ANK3: variants seen among roughly 807,000 people sequenced by gnomAD.
ANK3 encodes ankyrin 3.
ANK3 carries 57 observed loss-of-function variants against 370.9 expected under a neutral mutation model. That is an observed-to-expected ratio of 0.15 (90% confidence interval 0.12 to 0.19). The LOEUF is 0.19. Among genes scored for constraint, ANK3 ranks in the 10% least tolerant of loss-of-function variants. The pLI is 1.00. For missense variants in ANK3, 4,439 were observed against 5,302.1 expected, an observed-to-expected ratio of 0.84 and a Z score of 5.06; for synonymous variants, 1,929 against 1,946.3, an observed-to-expected ratio of 0.99 and a Z score of 0.23.
intron 16 of ANK3, among the ~76,000 whole-genome samples, chr10:60,191,161 G>A (rs2096471532): frequency 6.6e-6 from 1 of 152,040 alleles, no homozygotes; most frequent in Non-Finnish European, 1.5e-5. Context: ...AAACTCTTTT[G>A]GGCATTGAAC....
At chr10:60,412,095 G>T (rs2063571673) in intron 2 of ANK3, among the ~76,000 whole-genome samples, 1 of 152,164 alleles carries the variant, frequency 6.6e-6, no homozygotes, top group Non-Finnish European at 1.5e-5. Context: ...CTGCTGGTTA[G>T]GAAGCAAGTG....
intron 1 of ANK3, among the ~76,000 whole-genome samples, chr10:60,304,104 A>G (rs34517433): frequency 0.13 from 20,431 of 152,074 alleles, 1,469 homozygotes; most frequent in African/African-American, 0.15. Context: ...GGAGTAGAAG[A>G]GAAAATGAGA....
chr10:60,198,559 T>A, intron 13 of ANK3, 22 bp from the exon 14 acceptor site: 2 of 1,609,200 alleles, frequency 1.2e-6, no homozygotes, highest in Non-Finnish European at 1.7e-6. Context: ...GGTAGAAATG[T>A]AAGGCTGATG....
At chr10:60,391,027 CTT>C (rs1457275358), upstream of ANK3, among the ~76,000 whole-genome samples, 1 of 152,154 alleles carries the variant, frequency 6.6e-6, no homozygotes, top group Non-Finnish European at 1.5e-5. Context: ...CTGCAAACAA[CTT>C]TTACTCACCA....
At chr10:60,300,642 G>A (rs1593300209) in intron 1 of ANK3, 1 of 753,546 alleles carries the variant, frequency 1.3e-6, no homozygotes, top group Non-Finnish European at 1.6e-6. Flanking sequence ...GTGGAATACC[G>A]AGAATAGCAG....
chr10:60,109,105 C>T, intron 26 of ANK3, 51 bp from the exon 27 acceptor site: 1 of 1,427,874 alleles, frequency 7.0e-7, no homozygotes, highest in Non-Finnish European at 9.8e-7. Flanking sequence ...AAACTGTGCT[C>T]ACAGCAAGTT....
Position 60,232,847 on chromosome 10 carries a change from T to C in ANK3, c.897+1841A>G, listed in dbSNP as rs528796818. On this transcript the variant is annotated intron_variant, in intron 8 of 43. Coordinates refer to ENST00000280772, the MANE Select transcript of ANK3 (RefSeq NM_020987.5). Reference sequence around the variant, plus strand: ...ACAGTAGACACTCGACGATCATCTATTGGTTGAGTAAATAAATGCAAGGAA... The same window carrying C: ...ACAGTAGACACTCGACGATCATCTACTGGTTGAGTAAATAAATGCAAGGAA... 8.1e-4 allele frequency among the ~76,000 whole-genome samples: 123 copies of C among 152,268 alleles called. 1 individual carries two copies. Among genetic ancestry groups the C allele is most frequent in the African/African-American group, 2.9e-3 (121 of 41,534 alleles).
At chr10:60,102,474 CACA>C (rs771817000) in intron 28 of ANK3, among the ~76,000 whole-genome samples, 30 of 152,168 alleles carry the variant, frequency 2.0e-4, no homozygotes, top group African/African-American at 6.0e-4. Flanking sequence ...ATTACGGTCA[CACA>C]ACGAGTAAGC....
intron 18 of ANK3, among the ~76,000 whole-genome samples, chr10:60,177,284 G>A (rs1009045045): frequency 6.6e-6 from 1 of 152,166 alleles, no homozygotes; most frequent in African/African-American, 2.4e-5. Flanking sequence ...TACTTTCACA[G>A]TGTCAGCTAA....
At chr10:60,234,418 A>G (rs1364253934) in intron 8 of ANK3, among the ~76,000 whole-genome samples, 1 of 152,222 alleles carries the variant, frequency 6.6e-6, no homozygotes, top group Non-Finnish European at 1.5e-5. Context: ...CTGACCGAAC[A>G]GCTTAGCTTA....
intron 28 of ANK3, among the ~76,000 whole-genome samples, chr10:60,094,168 G>T (rs2089482698): frequency 6.7e-6 from 1 of 148,538 alleles, no homozygotes; most frequent in Non-Finnish European, 1.5e-5. Flanking sequence ...ATGAAATGGA[G>T]AAACAGTATT....
chr10:60,096,418 A>G (rs1274418424), intron 28 of ANK3, among the ~76,000 whole-genome samples: 2 of 152,204 alleles, frequency 1.3e-5, no homozygotes, highest in Non-Finnish European at 2.9e-5. Flanking sequence ...AAGCTCGACA[A>G]AATAATCTGC....
chr10:60,413,625 A>G (rs1319800344), intron 2 of ANK3, among the ~76,000 whole-genome samples: 1 of 152,184 alleles, frequency 6.6e-6, no homozygotes, highest in South Asian at 2.1e-4. Context: ...CTGGGGAAAA[A>G]TCAATTTTAC....
chr10:60,599,363 T>C (rs968713452), intron 2 of ANK3, among the ~76,000 whole-genome samples: 1 of 152,336 alleles, frequency 6.6e-6, no homozygotes, highest in East Asian at 1.9e-4. Flanking sequence ...AACTTATTCC[T>C]AGTGTGTTAA....
intron 8 of ANK3, among the ~76,000 whole-genome samples, chr10:60,222,420 G>T (rs112185289): frequency 8.5e-5 from 9 of 106,256 alleles, no homozygotes; most frequent in African/African-American, 2.5e-4. Context: ...ACTTAATTCA[G>T]TTAAAAAAAA....
intron 2 of ANK3, among the ~76,000 whole-genome samples, chr10:60,458,427 G>A (rs953795992): frequency 2.6e-5 from 4 of 151,960 alleles, no homozygotes; most frequent in Non-Finnish European, 5.9e-5. Flanking sequence ...TAATAATTAG[G>A]CACCCCTCCA....
intron 23 of ANK3, among the ~76,000 whole-genome samples, chr10:60,155,272 G>C (rs778381214): frequency 6.6e-6 from 1 of 152,212 alleles, no homozygotes; most frequent in African/African-American, 2.4e-5. Context: ...GGGAAAGAGA[G>C]AGCAAAATGA....
intron 2 of ANK3, among the ~76,000 whole-genome samples, chr10:60,534,085 G>A (rs1004369783): frequency 5.9e-5 from 9 of 152,064 alleles, no homozygotes; most frequent in Admixed American, 5.9e-4. Context: ...AGTTGGTGGT[G>A]TTAAGAGTCA....
intron 1 of ANK3, among the ~76,000 whole-genome samples, chr10:60,714,453 A>G (rs564169192): frequency 1.3e-4 from 20 of 152,336 alleles, no homozygotes; most frequent in South Asian, 6.2e-4. Flanking sequence ...GAAAAACCAC[A>G]AACCACTATC....
Sources: allele counts gnomAD v4.1 joint callset (sites outside exome capture counted in the v4.1 genomes callset), GRCh38; gene constraint gnomAD v4.1.1; transcripts MANE v1.5; gene names NCBI Gene and HGNC (gene_info 2026-07-23, HGNC 2026-07-21).